The following UNC13C variants were observed in gnomAD, a reference collection of about 807,000 sequenced individuals.
UNC13C encodes the protein unc-13 homolog C, also known as protein unc-13 homolog C.
A neutral mutation model predicts 245.4 loss-of-function variants in UNC13C; 174 were observed. The observed-to-expected ratio is 0.71, with a 90% CI of 0.63 to 0.80. The LOEUF (loss-of-function observed/expected upper bound fraction) is 0.80, where lower values mean the gene tolerates loss of function less well. Ranked by LOEUF, UNC13C falls within the 30% of genes least tolerant of loss-of-function variation. The probability of loss-of-function intolerance (pLI) is 0.00; values close to 1 mark genes in which losing one functional copy is unlikely to be tolerated. For synonymous variants in UNC13C, 992 were observed against 895.1 expected (o/e 1.11, Z -1.93); for missense variants, 2,829 against 2,602.9 (o/e 1.09, Z -1.89).
At chr15:54,469,594 C>G (rs1424424161) in intron 19 of UNC13C, among the ~76,000 whole-genome samples, 1 of 151,552 alleles carries the variant, frequency 6.6e-6, no homozygotes, top group Admixed American at 6.6e-5. Flanking sequence ...ACATAAAATC[C>G]TGTCTAGTTT....
At chr15:53,969,550 G>GTGGC in the UNC13C span, among the ~76,000 whole-genome samples, 1 of 151,926 alleles carries the variant, frequency 6.6e-6, no homozygotes, top group Non-Finnish European at 1.5e-5. Flanking sequence ...GCCAGGCATG[G>GTGGC]TGGCACACAC....
intron 18 of UNC13C, among the ~76,000 whole-genome samples, chr15:54,403,656 G>A (rs2040233427): frequency 7.4e-6 from 1 of 135,870 alleles, no homozygotes; most frequent in South Asian, 2.4e-4. Context: ...GGCAGAGGCT[G>A]CAGTGAGCCA....
chr15:54,129,817 A>G (rs2031293865), intron 2 of UNC13C, among the ~76,000 whole-genome samples: 1 of 151,348 alleles, frequency 6.6e-6, no homozygotes, highest in Non-Finnish European at 1.5e-5. Flanking sequence ...TAAGATTTAT[A>G]CTTCCATTAC....
At chr15:54,091,772 T>A (rs568261792) in intron 2 of UNC13C, among the ~76,000 whole-genome samples, 1 of 152,152 alleles carries the variant, frequency 6.6e-6, no homozygotes, top group South Asian at 2.1e-4. Context: ...TACTTTTTTT[T>A]AAGAGAAATC....
chr15:54,339,465 C>A (rs11634805), intron 17 of UNC13C, among the ~76,000 whole-genome samples: 1 of 151,754 alleles, frequency 6.6e-6, no homozygotes, highest in African/African-American at 2.4e-5. Context: ...ATCATTCTTA[C>A]GCCTTTGCAC....
At chr15:54,252,676 A>C (rs1231659601) in intron 8 of UNC13C, among the ~76,000 whole-genome samples, 1 of 152,190 alleles carries the variant, frequency 6.6e-6, no homozygotes, top group East Asian at 1.9e-4. Context: ...CAATGGTGAC[A>C]CTATATATGA....
chr15:54,471,764 C>G (rs953196798), intron 19 of UNC13C, among the ~76,000 whole-genome samples: 1 of 151,484 alleles, frequency 6.6e-6, no homozygotes, highest in Non-Finnish European at 1.5e-5. Context: ...TGTGTTATGT[C>G]TGTTTGATGT....
At chr15:53,992,947 T>G (rs1894456854) in intron 1 of UNC13C, among the ~76,000 whole-genome samples, 1 of 152,108 alleles carries the variant, frequency 6.6e-6, no homozygotes, top group Non-Finnish European at 1.5e-5. Context: ...ATTCATTCCC[T>G]TCTACTGATA....
In UNC13C at chr15:54,051,895, A is replaced by C. The variant is rs1332343865; in HGVS notation, c.2983+36009A>C. Among the ~76,000 whole-genome samples the C allele has an allele frequency of 2.2e-5, 3 of 136,986 alleles. No individual in the cohort carries two copies. In the East Asian group the frequency reaches 6.6e-4, roughly 30 times the overall value. The allele number at this position is 136,986 out of a possible 152,430, so 89.9% of individuals were successfully genotyped here. ...CATCTAGCATTAGGTATATCTCCCA[A>C]TGCTATCCCTCCCCCCTCCCTCCAC... On this transcript the variant is annotated intron_variant, in intron 2 of 32. Coordinates refer to ENST00000260323, the MANE Select transcript of UNC13C (RefSeq NM_001080534.3).
intron 17 of UNC13C, among the ~76,000 whole-genome samples, chr15:54,339,589 C>A (rs2038677983): frequency 6.6e-6 from 1 of 151,740 alleles, no homozygotes; most frequent in Admixed American, 6.6e-5. Context: ...GCTGTGAATG[C>A]CATTAATTCA....
intron 26 of UNC13C, among the ~76,000 whole-genome samples, chr15:54,536,270 G>T (rs2141157587): frequency 6.6e-6 from 1 of 151,978 alleles, no homozygotes; most frequent in African/African-American, 2.4e-5. Flanking sequence ...AAACTACCAA[G>T]ATTGAACCAG....
chr15:54,444,280 T>G (rs558052002), intron 19 of UNC13C, among the ~76,000 whole-genome samples: 1 of 151,280 alleles, frequency 6.6e-6, no homozygotes, highest in African/African-American at 2.4e-5. Flanking sequence ...TTTTGATAAA[T>G]GTATATATAT....
the UNC13C span, among the ~76,000 whole-genome samples, chr15:53,867,074 C>T: frequency 5.9e-5 from 9 of 152,272 alleles, no homozygotes; most frequent in African/African-American, 1.2e-4. Context: ...ACTTGGAAAT[C>T]ATATGGCTTA....
At chr15:54,313,969 G>A (rs1015049273) in intron 13 of UNC13C, among the ~76,000 whole-genome samples, 1 of 151,376 alleles carries the variant, frequency 6.6e-6, no homozygotes, top group African/African-American at 2.4e-5. Flanking sequence ...ATGAAATCTT[G>A]TCATTTGCAA....
chr15:53,857,152 G>A, the UNC13C span, among the ~76,000 whole-genome samples: 1 of 151,758 alleles, frequency 6.6e-6, no homozygotes, highest in Non-Finnish European at 1.5e-5. Flanking sequence ...TTTCCTTTTT[G>A]TGCCCATGAA....
Position 54,264,164 on chromosome 15 carries a change from A to G in UNC13C, c.3449-4A>G, listed in dbSNP as rs929758155. The G allele has an allele frequency of 8.9e-6, 14 of 1,567,242 alleles. No homozygotes were observed. Among genetic ancestry groups the G allele is most frequent in the Admixed American group, 3.8e-5 (2 of 52,780 alleles). ...TCACATCACCATTGATGTTTCCATC[A>G]TAGGAGCAGCAGAAAAGAGTTCTAA... is the stretch of plus-strand genomic sequence containing the variant. On this transcript the variant is annotated splice_polypyrimidine_tract_variant and splice_region_variant and intron_variant, in intron 8 of 32. Transcript: ENST00000260323.
intron 2 of UNC13C, among the ~76,000 whole-genome samples, chr15:54,038,124 A>ATAAAAATTTTTTTTTTTTT: frequency 5.1e-4 from 23 of 45,034 alleles, no homozygotes; most frequent in African/African-American, 2.4e-3. Flanking sequence ...ATATATATAT[A>ATAAAAATTTTTTTTTTTTT]TTTTTTTTTT....
intron 4 of UNC13C, among the ~76,000 whole-genome samples, chr15:54,168,752 G>A (rs2033277151): frequency 6.6e-6 from 1 of 151,888 alleles, no homozygotes. Context: ...GATTATATTG[G>A]AAATAAAAGT....
chr15:54,246,413 G>GTTT (rs11383240), intron 7 of UNC13C, among the ~76,000 whole-genome samples: 25,641 of 144,732 alleles, frequency 0.18, 2,413 homozygotes, highest in African/African-American at 0.22. Flanking sequence ...TGAAAATAAT[G>GTTT]TTTTTTTTTT....
Sources: gnomAD v4.1 joint callset for allele counts (sites outside exome capture counted in the v4.1 genomes callset) on GRCh38, gnomAD v4.1.1 for gene constraint, MANE v1.5 for transcripts, NCBI Gene and HGNC (gene_info 2026-07-23, HGNC 2026-07-21) for gene names.